The following LIPA variants were observed in gnomAD, a reference collection of about 807,000 sequenced individuals.
LIPA encodes lipase A, lysosomal acid type.
Under a neutral mutation model 40.6 loss-of-function variants are expected in LIPA, and 26 were observed. That is an observed-to-expected ratio of 0.64 (90% CI 0.47 to 0.89). The LOEUF (loss-of-function observed/expected upper bound fraction) is 0.89. LIPA is among the 40% of genes least tolerant of loss of function. LIPA has a pLI of 0.00. For synonymous variants in LIPA, 188 were observed against 168.4 expected, an observed-to-expected ratio of 1.12 and a Z score of -0.90; for missense variants, 455 against 479.6, an observed-to-expected ratio of 0.95 and a Z score of 0.48.
intron 1 of LIPA, among the ~76,000 whole-genome samples, chr10:89,327,211 G>A (rs577407748): frequency 5.0e-4 from 76 of 152,322 alleles, no homozygotes; most frequent in African/African-American, 1.8e-3. Context: ...CCAAGTAGCA[G>A]GCTTCAGAGA....
At chr10:89,331,502 G>C (rs988770156) in intron 1 of LIPA, among the ~76,000 whole-genome samples, 4 of 152,114 alleles carry the variant, frequency 2.6e-5, no homozygotes, top group Non-Finnish European at 4.4e-5. Flanking sequence ...CTAACATACA[G>C]ATATACAATT....
chr10:89,335,495 G>T (rs1361568416), intron 1 of LIPA: 1 of 149,746 alleles, frequency 6.7e-6, no homozygotes, highest in African/African-American at 2.5e-5. Flanking sequence ...TTAAAATTTA[G>T]TTTGGTAAGA....
intron 1 of LIPA, among the ~76,000 whole-genome samples, chr10:89,296,508 AAG>A: frequency 4.3e-5 from 4 of 93,402 alleles, no homozygotes; most frequent in African/African-American, 1.4e-4. Flanking sequence ...AAAAAAAAAG[AAG>A]AAGAAGAAGA....
chr10:89,222,612 T>A, intron 7 of LIPA, 30 bp from the exon 8 acceptor site: 1 of 1,330,174 alleles, frequency 7.5e-7, no homozygotes, highest in Non-Finnish European at 1.1e-6. Context: ...AAATGAAGAA[T>A]GAAAACAGCA....
At chr10:89,414,667 A>C (rs949942848), upstream of LIPA, 4 of 1,038,296 alleles carry the variant, frequency 3.9e-6, no homozygotes, top group Admixed American at 1.1e-4. Context: ...GGCCGAGTCC[A>C]GGGGCTGCAG....
intron 1 of LIPA, among the ~76,000 whole-genome samples, chr10:89,251,031 C>T (rs1393106189): frequency 6.6e-6 from 1 of 152,190 alleles, no homozygotes; most frequent in Non-Finnish European, 1.5e-5. Context: ...TAAGAGCAGT[C>T]CAACAGTTCA....
At chr10:89,292,827 A>ATTT (rs1843382486) in intron 1 of LIPA, among the ~76,000 whole-genome samples, 1 of 149,582 alleles carries the variant, frequency 6.7e-6, no homozygotes, top group South Asian at 2.1e-4. Flanking sequence ...TTTTTTTTTA[A>ATTT]TTGTAGAGAT....
intron 1 of LIPA, among the ~76,000 whole-genome samples, chr10:89,261,570 T>G (rs1304517461): frequency 9.2e-5 from 14 of 152,266 alleles, no homozygotes; most frequent in Admixed American, 9.2e-4. Flanking sequence ...TAAAAATATA[T>G]AATCCTGGCT....
At chr10:89,277,092 T>C (rs1030554594) in intron 1 of LIPA, among the ~76,000 whole-genome samples, 2 of 152,194 alleles carry the variant, frequency 1.3e-5, no homozygotes, top group Non-Finnish European at 2.9e-5. Flanking sequence ...TCACATAAAC[T>C]TACTGTGTAT....
At chr10:89,296,034 C>T (rs1843413047) in intron 1 of LIPA, among the ~76,000 whole-genome samples, 1 of 152,192 alleles carries the variant, frequency 6.6e-6, no homozygotes. Context: ...TGCTTCTCCC[C>T]AACCAGTACC....
intron 2 of LIPA, among the ~76,000 whole-genome samples, chr10:89,387,513 C>T (rs1387600158): frequency 6.6e-6 from 1 of 151,906 alleles, no homozygotes; most frequent in Non-Finnish European, 1.5e-5. Flanking sequence ...AACTTATCTA[C>T]CTGCTTGTAT....
upstream of LIPA, chr10:89,251,785 C>G (rs1427091906): frequency 6.6e-6 from 1 of 152,420 alleles, no homozygotes; most frequent in Non-Finnish European, 1.5e-5. Context: ...TGCCAGCTCT[C>G]AGGGGCCGGG....
intron 2 of LIPA, among the ~76,000 whole-genome samples, chr10:89,407,643 A>G (rs373559955): frequency 6.6e-6 from 1 of 152,298 alleles, no homozygotes; most frequent in East Asian, 1.9e-4. Context: ...TCCCTCCCTC[A>G]GGGTATGGCC....
intron 1 of LIPA, among the ~76,000 whole-genome samples, chr10:89,266,855 A>G (rs551760995): frequency 6.6e-6 from 1 of 152,342 alleles, no homozygotes; most frequent in Non-Finnish European, 1.5e-5. Flanking sequence ...CTGCAGAGAG[A>G]ATTGCTTTTG....
intron 6 of LIPA, among the ~76,000 whole-genome samples, chr10:89,224,158 G>C (rs1171287691): frequency 1.3e-5 from 2 of 152,240 alleles, no homozygotes; most frequent in African/African-American, 2.4e-5. Flanking sequence ...ATCTGACTCT[G>C]ATGGATCGGT....
intron 2 of LIPA, among the ~76,000 whole-genome samples, chr10:89,358,484 A>G (rs1438973977): frequency 6.6e-6 from 1 of 152,248 alleles, no homozygotes; most frequent in Non-Finnish European, 1.5e-5. Context: ...TCTCATGTTC[A>G]TTGGAGCACC....
At chr10:89,234,944 C>T (rs1031689780) in intron 3 of LIPA, among the ~76,000 whole-genome samples, 12 of 152,194 alleles carry the variant, frequency 7.9e-5, no homozygotes, top group African/African-American at 2.9e-4. Flanking sequence ...CAAGGCTGAA[C>T]GAGAGCTAGG....
intron 1 of LIPA, chr10:89,306,518 T>C (rs1428936631): frequency 6.2e-7 from 1 of 1,614,104 alleles, no homozygotes; most frequent in South Asian, 1.1e-5. Context: ...TCTGGACAAC[T>C]GGCCACCATC....
chr10:89,383,114 C>T (rs761380300), intron 2 of LIPA, among the ~76,000 whole-genome samples: 4 of 152,200 alleles, frequency 2.6e-5, no homozygotes, highest in Non-Finnish European at 5.9e-5. Flanking sequence ...TCTGTTGGCA[C>T]TACAAGATGA....
Sources: allele counts gnomAD v4.1 joint callset (sites outside exome capture counted in the v4.1 genomes callset), GRCh38; gene constraint gnomAD v4.1.1; transcripts MANE v1.5; gene names NCBI Gene and HGNC (gene_info 2026-07-23, HGNC 2026-07-21).